ENGASE: variants seen among roughly 807,000 people sequenced by gnomAD.
ENGASE encodes the protein cytosolic endo-beta-N-acetylglucosaminidase.
Under a neutral mutation model 78.5 loss-of-function variants are expected in ENGASE, and 69 were observed. The observed-to-expected ratio is 0.88, with a 90% CI of 0.72 to 1.07. The LOEUF (loss-of-function observed/expected upper bound fraction) is 1.07. Ranked by LOEUF, ENGASE falls within the 50% of genes least tolerant of loss-of-function variation. The pLI, the probability that ENGASE is intolerant of heterozygous loss-of-function variation, is 0.00. For missense variants in ENGASE, 943 were observed against 988.4 expected (o/e 0.95, Z 0.62); for synonymous variants, 408 against 408.9 (o/e 1.00, Z 0.03).
chr17:79,077,910 TG>T (rs762534655), intron 3 of ENGASE, 46 bp downstream of exon 3: 15 of 913,958 alleles, frequency 1.6e-5, no homozygotes, highest in Non-Finnish European at 1.6e-5. Context: ...TGTTCTCCTT[TG>T]CTGGGGTGGG....
chr17:79,082,154 C>G (rs1465045516), intron 7 of ENGASE, 91 bp downstream of exon 7: 1 of 1,607,870 alleles, frequency 6.2e-7, no homozygotes, highest in African/African-American at 1.3e-5. Context: ...GTCTGCACCT[C>G]AAAGGAATGA....
chr17:79,083,254 G>A lies in ENGASE; in HGVS notation c.1142+131G>A, dbSNP rs1363678692. On this transcript the variant is annotated intron_variant, in intron 8 of 13. Transcript: ENST00000579016. This position sits in a 1 kb window ranked among gnomAD's most constrained non-coding sequence, Gnocchi z 4.9. ...GGGGTGGTTAAGGGAGGATGACAGG[G>A]GAGGAAGCCAGCACCCTGGCTGCTT... 3 of 797,050 alleles carry A rather than the reference G, an allele frequency of 3.8e-6. No individual in the cohort carries two copies. In the Admixed American group the frequency reaches 7.8e-5, roughly 21 times the overall value. The allele number at this position is 797,050 out of a possible 1,614,324, so 49.4% of individuals were successfully genotyped here.
rs60799306 is a variant in ENGASE at position 79,082,756 on chromosome 17, A to G, written c.1039-264A>G. Reference sequence around the variant, plus strand: ...GTGCCAGAGGACAATGGGACCGCGCAGCCACAGCCAGTTGGGGCCCAGCCC... The same window carrying G: ...GTGCCAGAGGACAATGGGACCGCGCGGCCACAGCCAGTTGGGGCCCAGCCC... On this transcript the variant is annotated intron_variant, in intron 7 of 13. Coordinates refer to ENST00000579016, the MANE Select transcript of ENGASE (RefSeq NM_001042573.3). 20,575 of 1,450,512 alleles carry G rather than the reference A, an allele frequency of 0.014. 2,106 individuals are homozygous for G. In the African/African-American group the frequency reaches 0.24, roughly 17 times the overall value. The allele number at this position is 1,450,512 out of a possible 1,614,324, so 89.9% of individuals were successfully genotyped here.
chr17:79,079,616 A>G lies in ENGASE; in HGVS notation c.544A>G (p.Arg182Gly), dbSNP rs1568087652. Residue 182 changes from arginine to glycine, a missense_variant, in exon 4 of 14, where the codon AGG (arginine) becomes GGG (glycine). Coordinates refer to ENST00000579016, the MANE Select transcript of ENGASE (RefSeq NM_001042573.3). ...PPVGWTNTAH[R>G]HGVCVLGTFI... ...AGTGGGCTGGACCAACACTGCCCAC[A>G]GGCATGGGGTCTGCGTGCTGGGTAA... is the stretch of plus-strand genomic sequence containing the variant. 1 of 1,613,618 alleles carries G rather than the reference A, an allele frequency of 6.2e-7. No homozygotes were observed. Among genetic ancestry groups the G allele is most frequent in the Admixed American group, 1.7e-5 (1 of 59,928 alleles).
chr17:79,081,179 G>A (rs2073126326), intron 6 of ENGASE, 106 bp downstream of exon 6: 1 of 1,332,402 alleles, frequency 7.5e-7, no homozygotes, highest in South Asian at 1.5e-5. Context: ...TCATGGAGGT[G>A]ATGCATATAT....
chr17:79,083,100 G>T lies in ENGASE; in HGVS notation c.1119G>T (p.Lys373Asn). Residue 373 changes from lysine to asparagine, a missense_variant, in exon 8 of 14, where the codon AAG (lysine) becomes AAT (asparagine). By Grantham distance (94) the Lys-to-Asn change is moderately conservative. Transcript: ENST00000579016. This position sits in a 1 kb window ranked among gnomAD's most constrained non-coding sequence, Gnocchi z 4.9. ...PGWVYECLEKKDFFQNQDKFW... is the reference protein window; with the variant it reads ...PGWVYECLEKNDFFQNQDKFW... ...GGGTGTATGAGTGTCTGGAGAAGAA[G>T]GATTTCTTCCAGAACCAGGACAAGT... 1 of 1,613,732 alleles carries T rather than the reference G, an allele frequency of 6.2e-7. No individual in the cohort carries two copies. Among genetic ancestry groups the T allele is most frequent in the East Asian group, 2.2e-5 (1 of 44,878 alleles).
In ENGASE at chr17:79,081,867, G is replaced by C. The variant is rs114380445; in HGVS notation, c.873-31G>C. On this transcript the variant is annotated intron_variant, in intron 6 of 13. Transcript: ENST00000579016. ...GGGTGGCCCCATCCTTCTGGGCCTG[G>C]GCCTCACAGCAGGTCCTTGTTGCTT... 1.4e-3 allele frequency: 2,232 copies of C among 1,589,716 alleles called. 29 individuals are homozygous for C. In the African/African-American group the frequency reaches 0.026, roughly 19 times the overall value.
rs772980246 is a variant in ENGASE, at chr17:79,081,880, G to A, written c.873-18G>A. ...CTTCTGGGCCTGGGCCTCACAGCAGGTCCTTGTTGCTTCTCAGGGTCTTCT... is the reference window on the plus strand; with the variant it reads ...CTTCTGGGCCTGGGCCTCACAGCAGATCCTTGTTGCTTCTCAGGGTCTTCT... On this transcript the variant is annotated intron_variant, in intron 6 of 13. Coordinates refer to ENST00000579016, the MANE Select transcript of ENGASE (RefSeq NM_001042573.3). 6.2e-7 allele frequency: 1 copy of A among 1,602,086 alleles called. No individual in the cohort carries two copies. Among genetic ancestry groups the A allele is most frequent in the Admixed American group, 1.7e-5 (1 of 59,220 alleles).
chr17:79,077,733 G>A lies in ENGASE; in HGVS notation c.285G>A (p.Ala95=), dbSNP rs368590290. 66 of 1,614,104 alleles carry A rather than the reference G, an allele frequency of 4.1e-5. No individual in the cohort carries two copies. Among genetic ancestry groups the A allele is most frequent in the East Asian group, 1.1e-4 (5 of 44,902 alleles). The change falls in exon 3 of 14, where the codon GCG becomes GCA. Residue 95 remains alanine, a synonymous_variant. Coordinates refer to ENST00000579016, the MANE Select transcript of ENGASE (RefSeq NM_001042573.3). Reference sequence around the variant, plus strand: ...TGTCTTCGCTGGAGGAGCTCTTGGCGTGGAAGCCCCGCTTGGAGGATGGCT... The same window carrying A: ...TGTCTTCGCTGGAGGAGCTCTTGGCATGGAAGCCCCGCTTGGAGGATGGCT... ...FYLSSLEELL[A]WKPRLEDGFN...
chr17:79,075,740 C>G, intron 1 of ENGASE: 1 of 985,454 alleles, frequency 1.0e-6, no homozygotes, highest in South Asian at 4.7e-5. Flanking sequence ...GCAGCCGTAG[C>G]TTTGTTTCTA....
At position 79,085,445 on chromosome 17, in the gene ENGASE, T is replaced by G. The variant is rs1195460921; in HGVS notation, c.1700+103T>G. 12 of 1,334,768 alleles carry G rather than the reference T, an allele frequency of 9.0e-6. No individual in the cohort carries two copies. In the East Asian group the frequency reaches 2.5e-4, roughly 28 times the overall value. The allele number at this position is 1,334,768 out of a possible 1,614,324, so 82.7% of individuals were successfully genotyped here. On this transcript the variant is annotated intron_variant, in intron 12 of 13. Transcript: ENST00000579016. ...GGGGCCCTGGGCTGGCCCCCAGGTTTTGGGCAGCTCTGAGACAGAAGCCCA... is the reference window on the plus strand; with the variant it reads ...GGGGCCCTGGGCTGGCCCCCAGGTTGTGGGCAGCTCTGAGACAGAAGCCCA...
chr17:79,077,936 G>GGGGGGGGGGGA, intron 3 of ENGASE, 72 bp downstream of exon 3: 1 of 721,532 alleles, frequency 1.4e-6, no homozygotes, highest in Non-Finnish European at 2.2e-6. Context: ...GGAGGGGCGG[G>GGGGGGGGGGGA]AGAGAGTGCC....
intron 1 of ENGASE, among the ~76,000 whole-genome samples, chr17:79,076,659 T>C (rs765687380): frequency 1.2e-4 from 18 of 152,234 alleles, no homozygotes; most frequent in Non-Finnish European, 2.6e-4. Flanking sequence ...TCTTTCTCCC[T>C]GTAACATACA....
At chr17:79,077,062 G>A (rs1180534155) in intron 1 of ENGASE, among the ~76,000 whole-genome samples, 1 of 152,138 alleles carries the variant, frequency 6.6e-6, no homozygotes, top group Admixed American at 6.5e-5. Context: ...GTAGAGATGG[G>A]GTTTTGCCAT....
chr17:79,086,153 C>T lies in ENGASE; in HGVS notation c.2036C>T (p.Pro679Leu), dbSNP rs200719249. 108 of 1,613,642 alleles carry T rather than the reference C, an allele frequency of 6.7e-5. No homozygotes were observed. The highest frequency in any genetic ancestry group is 7.9e-5 in the Non-Finnish European group (93 of 1,180,026). ...MSDDSPGREL[P>L]RPEMPMFLGL... ...GATGACTCTCCGGGCAGGGAGCTGC[C>T]GAGGCCAGAGATGCCCATGTTCCTG... The change falls in exon 14 of 14, where the codon CCG (proline) becomes CTG (leucine). Residue 679 changes from proline (P) to leucine (L), a missense_variant. Transcript: ENST00000579016.
At chr17:79,075,166 G>A in intron 1 of ENGASE, 76 bp downstream of exon 1, 1 of 1,189,210 alleles carries the variant, frequency 8.4e-7, no homozygotes. Context: ...AGGTTTCCCG[G>A]CACGGGCGCG....
At chr17:79,082,609 C>T (rs2073174442) in intron 7 of ENGASE, 1 of 1,276,714 alleles carries the variant, frequency 7.8e-7, no homozygotes. Context: ...GTCTATCAGT[C>T]CTGCCCGTTC....
intron 2 of ENGASE, 74 bp downstream of exon 2, chr17:79,077,571 C>A (rs909176436): frequency 1.7e-5 from 26 of 1,556,084 alleles, no homozygotes; most frequent in South Asian, 3.6e-5. Flanking sequence ...CCCCTGCCCC[C>A]TCTCATGTTC....
chr17:79,084,452 G>T (rs2073233499), intron 10 of ENGASE, 86 bp from the exon 11 acceptor site: 2 of 1,354,390 alleles, frequency 1.5e-6, no homozygotes. Flanking sequence ...GTTCCTGGAG[G>T]GAGGGGCTGG....
Sources: allele counts gnomAD v4.1 joint callset (sites outside exome capture counted in the v4.1 genomes callset), GRCh38; gene constraint gnomAD v4.1.1; non-coding constraint Gnocchi (gnomAD v3.1); transcripts MANE v1.5; gene names NCBI Gene and HGNC (gene_info 2026-07-23, HGNC 2026-07-21).